Variants in NTRK2 observed in about 807,000 individuals in gnomAD.
The protein encoded by NTRK2 is BDNF/NT-3 growth factors receptor.
Under a neutral mutation model 94.5 loss-of-function variants are expected in NTRK2, and 13 were observed. That is an observed-to-expected ratio of 0.14 (90% confidence interval 0.09 to 0.22). NTRK2 has a LOEUF of 0.22. NTRK2 is among the 10% of genes least tolerant of loss of function. NTRK2 has a pLI of 1.00. For synonymous variants in NTRK2, 372 were observed against 407.4 expected (o/e 0.91, Z 1.05); for missense variants, 639 against 1,071.2 (o/e 0.60, Z 5.63).
At chr9:84,934,467 C>A (rs537442655) in intron 15 of NTRK2, among the ~76,000 whole-genome samples, 175 bp downstream of exon 15, 36 of 152,296 alleles carry the variant, frequency 2.4e-4, no homozygotes, top group South Asian at 6.2e-4. Flanking sequence ...TGGGGCACAT[C>A]CAACTGTCAG....
intron 2 of NTRK2, among the ~76,000 whole-genome samples, chr9:84,693,670 G>T (rs1413254384): frequency 2.0e-5 from 3 of 152,152 alleles, no homozygotes; most frequent in African/African-American, 7.2e-5. Flanking sequence ...AAATTCTCAT[G>T]TGCAGTCTGG....
chr9:84,822,644 C>A (rs1239830953), intron 12 of NTRK2, among the ~76,000 whole-genome samples: 1 of 152,134 alleles, frequency 6.6e-6, no homozygotes, highest in African/African-American at 2.4e-5. Flanking sequence ...GGTCAAGCAC[C>A]CTCGACTGCC....
intron 9 of NTRK2, among the ~76,000 whole-genome samples, chr9:84,734,588 G>A (rs1208124892): frequency 1.3e-5 from 2 of 152,172 alleles, no homozygotes; most frequent in Non-Finnish European, 1.5e-5. Context: ...CTAATGGGAG[G>A]TAATTGAATC....
At chr9:84,815,704 C>T (rs200193009) in intron 12 of NTRK2, 14 of 1,008,734 alleles carry the variant, frequency 1.4e-5, no homozygotes, top group African/African-American at 6.9e-5. Context: ...GATAATTCAT[C>T]TCCATGTGTC....
intron 4 of NTRK2, among the ~76,000 whole-genome samples, chr9:84,703,525 C>T (rs756888854): frequency 5.3e-5 from 8 of 152,106 alleles, no homozygotes; most frequent in South Asian, 2.1e-4. Flanking sequence ...TTATAAGGTT[C>T]GTCCTCTTTC....
At chr9:84,868,405 G>A (rs1183264812) in intron 14 of NTRK2, among the ~76,000 whole-genome samples, 1 of 152,162 alleles carries the variant, frequency 6.6e-6, no homozygotes, top group Non-Finnish European at 1.5e-5. Flanking sequence ...TATCAGATCT[G>A]TGCATATATA....
intron 17 of NTRK2, among the ~76,000 whole-genome samples, chr9:84,978,095 A>G (rs976818522): frequency 6.6e-6 from 1 of 152,158 alleles, no homozygotes; most frequent in African/African-American, 2.4e-5. Context: ...AATTTGGACA[A>G]TTAATAACCC....
chr9:84,955,712 G>A (rs1049132462), intron 17 of NTRK2, 195 bp downstream of exon 17: 44 of 666,690 alleles, frequency 6.6e-5, no homozygotes, highest in African/African-American at 3.4e-4. Context: ...CTGAGGCCTC[G>A]CTCCTTGGCT....
At chr9:84,811,591 G>C (rs2071796454) in intron 12 of NTRK2, 1 of 1,065,292 alleles carries the variant, frequency 9.4e-7, no homozygotes, top group Non-Finnish European at 1.1e-6. Context: ...TGGCTGGCCT[G>C]CTGTGAGCAG....
At chr9:84,709,249 G>A (rs2061287602) in intron 5 of NTRK2, among the ~76,000 whole-genome samples, 1 of 152,186 alleles carries the variant, frequency 6.6e-6, no homozygotes, top group East Asian at 1.9e-4. Context: ...AGCCAGCTGT[G>A]CACCAGTGTT....
chr9:84,718,172 G>A (rs2061833039), intron 6 of NTRK2, among the ~76,000 whole-genome samples: 1 of 151,828 alleles, frequency 6.6e-6, no homozygotes, highest in Admixed American at 6.6e-5. Context: ...GACAACTCAG[G>A]TCCATATCAG....
At chr9:84,722,611 G>A (rs886395268) in intron 6 of NTRK2, among the ~76,000 whole-genome samples, 1 of 152,084 alleles carries the variant, frequency 6.6e-6, no homozygotes, top group Admixed American at 6.5e-5. Flanking sequence ...AGAGGGACAG[G>A]CTCCACTAGC....
intron 8 of NTRK2, among the ~76,000 whole-genome samples, chr9:84,725,649 TTA>T (rs993195401): frequency 6.1e-5 from 9 of 148,128 alleles, no homozygotes; most frequent in African/African-American, 1.7e-4. Flanking sequence ...ATTATATATA[TTA>T]TATATATATT....
At chr9:84,870,889 T>C (rs947715101) in intron 14 of NTRK2, among the ~76,000 whole-genome samples, 3 of 152,200 alleles carry the variant, frequency 2.0e-5, no homozygotes, top group Admixed American at 6.5e-5. Context: ...ATGTTGACTT[T>C]AGAATATACA....
chr9:84,917,270 A>C (rs1272666236), intron 14 of NTRK2, among the ~76,000 whole-genome samples: 1 of 152,194 alleles, frequency 6.6e-6, no homozygotes, highest in Non-Finnish European at 1.5e-5. Context: ...TTTTAAATTG[A>C]GTATTGAATT....
intron 17 of NTRK2, among the ~76,000 whole-genome samples, chr9:84,988,192 A>T (rs1375666310): frequency 1.3e-5 from 2 of 152,216 alleles, no homozygotes; most frequent in East Asian, 3.9e-4. Flanking sequence ...ATGTGAGTAC[A>T]GTTCACCAGA....
intron 12 of NTRK2, among the ~76,000 whole-genome samples, chr9:84,773,542 GA>G (rs1564239595): frequency 6.6e-6 from 1 of 152,122 alleles, no homozygotes; most frequent in African/African-American, 2.4e-5. Context: ...AACGTTCTTG[GA>G]GTTTAGTAAG....
chr9:84,892,510 C>T (rs1452814598), intron 14 of NTRK2, among the ~76,000 whole-genome samples: 1 of 152,246 alleles, frequency 6.6e-6, no homozygotes, highest in Admixed American at 6.5e-5. Context: ...ATCTACCCAC[C>T]TGGATTCTAC....
chr9:84,934,321 A>G (rs1470751964), intron 15 of NTRK2, 29 bp downstream of exon 15: 1 of 1,612,966 alleles, frequency 6.2e-7, no homozygotes, highest in Middle Eastern at 1.7e-4. Flanking sequence ...ATGTCTCATT[A>G]ACCATGATCA....
Sources: gnomAD v4.1 joint callset for allele counts (sites outside exome capture counted in the v4.1 genomes callset) on GRCh38, gnomAD v4.1.1 for gene constraint, MANE v1.5 for transcripts, NCBI Gene and HGNC (gene_info 2026-07-23, HGNC 2026-07-21) for gene names.